SPAG6: variants seen among roughly 807,000 people sequenced by gnomAD.
SPAG6 encodes the protein sperm-associated antigen 6.
SPAG6 carries 49 observed loss-of-function variants against 58.5 expected under a neutral mutation model. The ratio of observed to expected loss-of-function variants is 0.84; its 90% CI spans 0.67 to 1.06. The LOEUF (loss-of-function observed/expected upper bound fraction) is 1.06. Ranked by LOEUF, SPAG6 falls within the 50% of genes least tolerant of loss-of-function variation. The pLI is 0.00. For synonymous variants in SPAG6, 233 were observed against 225.6 expected (o/e 1.03, Z -0.29); for missense variants, 560 against 611.3 (o/e 0.92, Z 0.89).
intron 4 of SPAG6, among the ~76,000 whole-genome samples, chr10:22,381,665 C>A (rs1833961115): frequency 6.6e-6 from 1 of 152,102 alleles, no homozygotes; most frequent in Admixed American, 6.5e-5. Flanking sequence ...ACTATTAAAG[C>A]AAGATTACTT....
intron 9 of SPAG6, among the ~76,000 whole-genome samples, chr10:22,407,594 G>C (rs1276032267): frequency 1.3e-5 from 2 of 151,656 alleles, no homozygotes; most frequent in Non-Finnish European, 3.0e-5. Flanking sequence ...TTCAACTTTG[G>C]TGAATCTGAC....
chr10:22,373,541 T>C (rs932478720), intron 4 of SPAG6, among the ~76,000 whole-genome samples: 1 of 152,158 alleles, frequency 6.6e-6, no homozygotes, highest in Non-Finnish European at 1.5e-5. Flanking sequence ...CAAATATTAA[T>C]GACAAATATC....
chr10:22,416,387 A>G (rs80009150), intron 10 of SPAG6, among the ~76,000 whole-genome samples: 231 of 152,300 alleles, frequency 1.5e-3, no homozygotes, highest in African/African-American at 5.1e-3. Flanking sequence ...TTGCCATTAC[A>G]TTTATATCCC....
intron 7 of SPAG6, among the ~76,000 whole-genome samples, chr10:22,389,821 G>A (rs1303875599): frequency 6.6e-6 from 1 of 152,174 alleles, no homozygotes; most frequent in African/African-American, 2.4e-5. Context: ...CAGAGCACAT[G>A]TCAGTGTTTT....
At chr10:22,403,111 T>A (rs1834454286) in intron 9 of SPAG6, among the ~76,000 whole-genome samples, 1 of 152,098 alleles carries the variant, frequency 6.6e-6, no homozygotes, top group African/African-American at 2.4e-5. Context: ...AAATGTGCCT[T>A]CAGGAATATT....
At chr10:22,399,275 A>G (rs969946844) in intron 8 of SPAG6, among the ~76,000 whole-genome samples, 2 of 152,222 alleles carry the variant, frequency 1.3e-5, no homozygotes, top group African/African-American at 4.8e-5. Context: ...TCCCAGAAGG[A>G]AGCCTCATGC....
At chr10:22,353,933 A>C (rs142671266) in intron 2 of SPAG6, among the ~76,000 whole-genome samples, 131 of 152,328 alleles carry the variant, frequency 8.6e-4, no homozygotes, top group African/African-American at 2.9e-3. Flanking sequence ...CAAAGACAAG[A>C]GAAAAGGTGG....
intron 8 of SPAG6, among the ~76,000 whole-genome samples, chr10:22,397,610 G>C (rs536525747): frequency 1.0e-3 from 155 of 152,202 alleles, no homozygotes; most frequent in African/African-American, 3.6e-3. Flanking sequence ...AGCCACTGCT[G>C]CTGGTCTCTC....
chr10:22,408,564 C>T (rs1301885029), intron 9 of SPAG6, among the ~76,000 whole-genome samples: 2 of 150,562 alleles, frequency 1.3e-5, no homozygotes, highest in African/African-American at 4.9e-5. Context: ...ACACTTAAGT[C>T]TGCAGAGGTT....
At chr10:22,367,918 A>G (rs1837243175) in intron 3 of SPAG6, among the ~76,000 whole-genome samples, 2 of 152,234 alleles carry the variant, frequency 1.3e-5, no homozygotes, top group South Asian at 4.1e-4. Context: ...ATTTGCCAGG[A>G]AAAGTTTTAA....
At chr10:22,401,564 T>C (rs911510007) in intron 9 of SPAG6, among the ~76,000 whole-genome samples, 5 of 152,232 alleles carry the variant, frequency 3.3e-5, no homozygotes, top group African/African-American at 1.2e-4. Context: ...TGACTTTTAG[T>C]AATCTTTCTA....
At chr10:22,385,775 A>G (rs1834050653) in intron 4 of SPAG6, among the ~76,000 whole-genome samples, 1 of 152,236 alleles carries the variant, frequency 6.6e-6, no homozygotes, top group Non-Finnish European at 1.5e-5. Context: ...GATATGCTAA[A>G]TAGAGCTCTT....
At chr10:22,379,515 T>C (rs899876151) in intron 4 of SPAG6, among the ~76,000 whole-genome samples, 3 of 152,202 alleles carry the variant, frequency 2.0e-5, no homozygotes, top group Admixed American at 6.5e-5. Context: ...GAGCAGCCTA[T>C]GTAGAGGCCC....
chr10:22,346,430 G>GTTCTTCCTCTTCTTCTTCTTCTTC (rs1463625993), intron 2 of SPAG6, among the ~76,000 whole-genome samples: 46 of 95,918 alleles, frequency 4.8e-4, no homozygotes, highest in Non-Finnish European at 8.6e-4. Context: ...AGAGAAAATG[G>GTTCTTCCTCTTCTTCTTCTTCTTC]TTCTTCTTCT....
intron 9 of SPAG6, among the ~76,000 whole-genome samples, chr10:22,408,845 G>A (rs919852499): frequency 4.0e-5 from 6 of 151,746 alleles, no homozygotes; most frequent in African/African-American, 7.3e-5. Context: ...CTGGTGCTCC[G>A]TTTTTTAAGC....
chr10:22,351,325 A>C (rs928902318), intron 2 of SPAG6, among the ~76,000 whole-genome samples: 3 of 152,196 alleles, frequency 2.0e-5, no homozygotes, highest in African/African-American at 7.2e-5. Flanking sequence ...TTAGAATCTT[A>C]ATCAAACCAG....
intron 4 of SPAG6, among the ~76,000 whole-genome samples, chr10:22,373,242 T>C (rs1450716869): frequency 1.3e-5 from 2 of 152,172 alleles, no homozygotes; most frequent in Non-Finnish European, 2.9e-5. Context: ...TTGAGTCCAT[T>C]GTATCCTCTT....
In SPAG6 at chr10:22,391,833, C is replaced by T. The variant is rs767182864; in HGVS notation, c.1110C>T (p.His370=). 71 of 1,613,372 alleles carry T rather than the reference C, an allele frequency of 4.4e-5. No homozygotes were observed. Among genetic ancestry groups the T allele is most frequent in the African/African-American group, 1.1e-4 (8 of 74,842 alleles). Residue 370 remains histidine (H), a synonymous_variant, in exon 8 of 11, where the codon CAC becomes CAT. Coordinates refer to ENST00000376624, the MANE Select transcript of SPAG6 (RefSeq NM_012443.4). ...AGATTGGAAGACACACTCCTGAACA[C>T]GCACGGGCTGTTGCAGTCACAAATA... ...LGQIGRHTPE[H]ARAVAVTNTL...
chr10:22,351,810 A>C (rs1019205208), intron 2 of SPAG6, among the ~76,000 whole-genome samples: 1 of 152,134 alleles, frequency 6.6e-6, no homozygotes, highest in African/African-American at 2.4e-5. Flanking sequence ...TGATTTTCCC[A>C]TATGATCCAT....
Sources: allele counts gnomAD v4.1 joint callset (sites outside exome capture counted in the v4.1 genomes callset), GRCh38; gene constraint gnomAD v4.1.1; transcripts MANE v1.5; gene names NCBI Gene and HGNC (gene_info 2026-07-23, HGNC 2026-07-21).